Variants in CSMD1 observed in about 807,000 individuals in gnomAD.
The protein encoded by CSMD1 is CUB and Sushi multiple domains 1.
CSMD1 carries 213 observed loss-of-function variants against 417.5 expected under a neutral mutation model. The observed-to-expected ratio is 0.51, with a 90% confidence interval of 0.46 to 0.57. The LOEUF is 0.57. CSMD1 is among the 20% of genes least tolerant of loss of function. The probability of loss-of-function intolerance (pLI) is 0.00; values close to 1 mark genes in which losing one functional copy is unlikely to be tolerated. For missense variants in CSMD1, 6,923 were observed against 4,529.7 expected (o/e 1.53, Z -15.17); for synonymous variants, 2,862 against 1,736.8 (o/e 1.65, Z -16.11).
intron 26 of CSMD1, among the ~76,000 whole-genome samples, chr8:3,239,030 A>G (rs1264762004): frequency 6.6e-6 from 1 of 152,190 alleles, no homozygotes; most frequent in East Asian, 1.9e-4. Context: ...GGGGCCTAAG[A>G]AAAAGGAACA....
In CSMD1 at chr8:3,670,913, G is replaced by C. The variant is rs1442557074; in HGVS notation, c.1009+37501C>G. ...ATGTATGTGATATATATGTATATGG[G>C]ATATATATGTATATGGGATATATAT... On this transcript the variant is annotated intron_variant, in intron 7 of 69. Transcript: ENST00000635120. Among the ~76,000 whole-genome samples, 4 of 147,672 alleles carry C rather than the reference G, an allele frequency of 2.7e-5. No homozygotes were observed. In the Admixed American group the frequency reaches 2.7e-4, roughly 10 times the overall value.
intron 3 of CSMD1, among the ~76,000 whole-genome samples, chr8:4,241,832 T>C (rs1255857575): frequency 6.6e-6 from 1 of 151,898 alleles, no homozygotes; most frequent in East Asian, 1.9e-4. Flanking sequence ...TGTCTCAGCC[T>C]CCCAAGTATG....
chr8:4,929,795 T>A (rs1807123014), intron 1 of CSMD1, among the ~76,000 whole-genome samples: 1 of 152,174 alleles, frequency 6.6e-6, no homozygotes, highest in African/African-American at 2.4e-5. Context: ...GAGAGAGAAT[T>A]CAGCCACCTC....
At position 4,311,811 on chromosome 8, in the gene CSMD1, G is replaced by A. The variant is rs537841363; in HGVS notation, c.415+108142C>T. Among the ~76,000 whole-genome samples the A allele has an allele frequency of 2.4e-4, 36 of 151,998 alleles. 1 individual carries two copies. In the South Asian group the frequency reaches 4.2e-3, roughly 18 times the overall value. ...GGAACAACACACACTAGGGCCTAGTGGATGGTGGAGAGTGCGAAGGAGAGG... is the reference window on the plus strand; with the variant it reads ...GGAACAACACACACTAGGGCCTAGTAGATGGTGGAGAGTGCGAAGGAGAGG... On this transcript the variant is annotated intron_variant, in intron 3 of 69. Coordinates refer to ENST00000635120, the MANE Select transcript of CSMD1 (RefSeq NM_033225.6).
At chr8:3,189,062 G>C in intron 34 of CSMD1, 51 bp from the exon 35 acceptor site, 1 of 1,525,864 alleles carries the variant, frequency 6.6e-7, no homozygotes, top group Non-Finnish European at 8.9e-7. Context: ...GGACAGTGTT[G>C]ATTTGGCATG....
chr8:3,980,582 C>T (rs1317297949), intron 5 of CSMD1, among the ~76,000 whole-genome samples: 1 of 152,064 alleles, frequency 6.6e-6, no homozygotes, highest in African/African-American at 2.4e-5. Flanking sequence ...AAAATAGTTT[C>T]CCCCCTTGTT....
chr8:3,191,633 G>C (rs536030261), intron 33 of CSMD1, among the ~76,000 whole-genome samples: 24 of 152,160 alleles, frequency 1.6e-4, no homozygotes, highest in African/African-American at 4.1e-4. Flanking sequence ...AAGTATCAGT[G>C]CAACGTGTGG....
chr8:3,998,851 G>T (rs978048476), intron 4 of CSMD1, among the ~76,000 whole-genome samples: 1 of 150,058 alleles, frequency 6.7e-6, no homozygotes, highest in Non-Finnish European at 1.5e-5. Flanking sequence ...AATATTATAT[G>T]CATTTTAAAC....
rs79257511 is a variant in CSMD1 at position 3,060,966 on chromosome 8, A to C, written c.7475-8319T>G. On this transcript the variant is annotated intron_variant, in intron 49 of 69. Transcript: ENST00000635120. ...ATTTCAGCTTCATGTTTGTTACCTC[A>C]AAGTGAACAATGGTGTGAAACCATG... Among the ~76,000 whole-genome samples the C allele has an allele frequency of 3.0e-3, 454 of 152,316 alleles. 2 individuals are homozygous for C. The highest frequency in any genetic ancestry group is 0.014 in the Middle Eastern group (4 of 294).
chr8:3,297,654 C>A (rs879934477), intron 25 of CSMD1, among the ~76,000 whole-genome samples: 2 of 152,136 alleles, frequency 1.3e-5, no homozygotes, highest in Admixed American at 6.5e-5. Flanking sequence ...AAAAATTTAT[C>A]CCCAGTGGAA....
At chr8:3,786,699 T>C (rs1024504037) in intron 5 of CSMD1, among the ~76,000 whole-genome samples, 1 of 152,178 alleles carries the variant, frequency 6.6e-6, no homozygotes, top group East Asian at 1.9e-4. Flanking sequence ...AAACCATGTA[T>C]TTCTCACTGT....
In CSMD1 at chr8:3,063,184, C is replaced by G. The variant is rs146103375; in HGVS notation, c.7475-10537G>C. Among the ~76,000 whole-genome samples the G allele has an allele frequency of 1.9e-3, 282 of 152,262 alleles. 2 individuals are homozygous for G. The highest frequency in any genetic ancestry group is 6.2e-3 in the African/African-American group (256 of 41,548). On this transcript the variant is annotated intron_variant, in intron 49 of 69. Transcript: ENST00000635120. ...GGGAATCTGCATTTTGGAGCCTATCCTCATCCTCCCTGATAAGTGGGCTTG... is the reference window on the plus strand; with the variant it reads ...GGGAATCTGCATTTTGGAGCCTATCGTCATCCTCCCTGATAAGTGGGCTTG...
intron 2 of CSMD1, among the ~76,000 whole-genome samples, chr8:4,577,861 G>T (rs1354358452): frequency 6.6e-6 from 1 of 152,124 alleles, no homozygotes; most frequent in Non-Finnish European, 1.5e-5. Flanking sequence ...GACCTCAAGT[G>T]AATATATATT....
chr8:3,944,913 C>G (rs1523251), intron 5 of CSMD1, among the ~76,000 whole-genome samples: 1 of 152,150 alleles, frequency 6.6e-6, no homozygotes, highest in Admixed American at 6.6e-5. Context: ...ATCAGTGTTT[C>G]TGAACGCTGT....
chr8:3,280,157 T>A (rs1196687815), intron 26 of CSMD1, among the ~76,000 whole-genome samples: 1 of 152,104 alleles, frequency 6.6e-6, no homozygotes, highest in Admixed American at 6.5e-5. Flanking sequence ...GGGCTTCTTA[T>A]TGGAATAACC....
intron 1 of CSMD1, among the ~76,000 whole-genome samples, chr8:4,964,883 C>T (rs1462794814): frequency 1.3e-5 from 2 of 152,150 alleles, no homozygotes; most frequent in Non-Finnish European, 2.9e-5. Flanking sequence ...TTTGATGGTT[C>T]TGGAGCGGAG....
At chr8:4,267,394 T>C (rs1320803145) in intron 3 of CSMD1, among the ~76,000 whole-genome samples, 1 of 45,416 alleles carries the variant, frequency 2.2e-5, no homozygotes, top group African/African-American at 3.7e-5. Flanking sequence ...CTATGAACTC[T>C]GAAAGATCTA....
At chr8:3,738,411 T>C (rs1156622760) in intron 6 of CSMD1, among the ~76,000 whole-genome samples, 2 of 152,236 alleles carry the variant, frequency 1.3e-5, no homozygotes, top group Non-Finnish European at 2.9e-5. Flanking sequence ...GCATGGTGGT[T>C]GTCACACCTT....
intron 5 of CSMD1, among the ~76,000 whole-genome samples, chr8:3,797,706 A>G (rs1800236594): frequency 6.6e-6 from 1 of 152,002 alleles, no homozygotes; most frequent in African/African-American, 2.4e-5. Flanking sequence ...TGGCTAATAC[A>G]AACAAAGCTG....
Sources: allele counts gnomAD v4.1 joint callset (sites outside exome capture counted in the v4.1 genomes callset), GRCh38; gene constraint gnomAD v4.1.1; transcripts MANE v1.5; gene names NCBI Gene and HGNC (gene_info 2026-07-23, HGNC 2026-07-21).